The following NGF variants were observed in gnomAD, a reference collection of about 807,000 sequenced individuals.
The protein encoded by NGF is nerve growth factor, also known as beta-nerve growth factor.
A neutral mutation model predicts 12.8 loss-of-function variants in NGF; 4 were observed. The ratio of observed to expected loss-of-function variants is 0.31; its 90% confidence interval spans 0.15 to 0.72. The LOEUF (loss-of-function observed/expected upper bound fraction) is 0.72, where lower values mean the gene tolerates loss of function less well. NGF is among the 30% of genes least tolerant of loss of function. NGF has a pLI of 0.69. For missense variants in NGF, 283 were observed against 330.8 expected, an observed-to-expected ratio of 0.86 and a Z score of 1.12; for synonymous variants, 140 against 130.0, an observed-to-expected ratio of 1.08 and a Z score of -0.52.
At chr1:115,307,143 C>G (rs1329176869) in intron 1 of NGF, among the ~76,000 whole-genome samples, 1 of 152,146 alleles carries the variant, frequency 6.6e-6, no homozygotes, top group Non-Finnish European at 1.5e-5. Flanking sequence ...CCTATAGGCA[C>G]TGGAACAAAC....
chr1:115,296,220 G>A (rs1653864140), intron 1 of NGF, among the ~76,000 whole-genome samples: 2 of 152,100 alleles, frequency 1.3e-5, no homozygotes, highest in African/African-American at 4.8e-5. Flanking sequence ...AGTAGGGGAG[G>A]GGAGAGGAGT....
Position 115,286,099 on chromosome 1 carries a change from G to GCA in NGF, c.695_696dup (p.Leu233CysfsTer7). The GCA allele has an allele frequency of 6.2e-7, 1 of 1,613,260 alleles. No homozygotes were observed. Among genetic ancestry groups the GCA allele is most frequent in the Non-Finnish European group, 8.5e-7 (1 of 1,179,600 alleles). On this transcript the variant is annotated frameshift_variant, in exon 3 of 3. Coordinates refer to ENST00000369512, the MANE Select transcript of NGF (RefSeq NM_002506.3). LOFTEE classifies it high-confidence loss of function. ...GCTCTTCTCACAGCCTTCCTGCTGAGCACACACACACAGGCCGTATCTATC... is the reference window on the plus strand; with the variant it reads ...GCTCTTCTCACAGCCTTCCTGCTGAGCACACACACACACAGGCCGTATCTATC...
At chr1:115,332,468 C>A (rs1654948017) in intron 1 of NGF, among the ~76,000 whole-genome samples, 2 of 152,108 alleles carry the variant, frequency 1.3e-5, no homozygotes, top group Non-Finnish European at 1.5e-5. Context: ...GCTATATATG[C>A]ACAGATACAT....
chr1:115,323,854 C>T (rs1654695219), intron 1 of NGF, among the ~76,000 whole-genome samples: 1 of 152,174 alleles, frequency 6.6e-6, no homozygotes, highest in Non-Finnish European at 1.5e-5. Context: ...CCTGAGGTGG[C>T]CCTGAGGGCA....
At chr1:115,335,953 C>G (rs560916208) in intron 1 of NGF, among the ~76,000 whole-genome samples, 1 of 152,164 alleles carries the variant, frequency 6.6e-6, no homozygotes, top group Admixed American at 6.5e-5. Context: ...AAACTTCCCT[C>G]GGGCTCCAGC....
At chr1:115,286,942 G>T in intron 2 of NGF, 135 bp from the exon 3 acceptor site, 1 of 1,102,724 alleles carries the variant, frequency 9.1e-7, no homozygotes, top group Non-Finnish European at 1.4e-6. Flanking sequence ...CTTCTGAGAG[G>T]GAAAGGGTGT....
intron 1 of NGF, among the ~76,000 whole-genome samples, chr1:115,303,276 C>A (rs1654095352): frequency 6.6e-6 from 1 of 152,152 alleles, no homozygotes; most frequent in Non-Finnish European, 1.5e-5. Context: ...GACCTAAGTG[C>A]TCTCCCTCTC....
At chr1:115,333,495 C>T (rs1654980014) in intron 1 of NGF, among the ~76,000 whole-genome samples, 1 of 98,246 alleles carries the variant, frequency 1.0e-5, no homozygotes, top group Non-Finnish European at 1.8e-5. Flanking sequence ...ACTAATAGTA[C>T]TACTAAAAAA....
intron 1 of NGF, among the ~76,000 whole-genome samples, chr1:115,295,096 C>T (rs1464691248): frequency 6.6e-6 from 1 of 152,126 alleles, no homozygotes; most frequent in Non-Finnish European, 1.5e-5. Context: ...GCATGGATCC[C>T]CACCACATAT....
intron 1 of NGF, among the ~76,000 whole-genome samples, chr1:115,319,679 C>T (rs1279498455): frequency 6.6e-6 from 1 of 152,240 alleles, no homozygotes; most frequent in African/African-American, 2.4e-5. Flanking sequence ...CCTGGCATTT[C>T]TGGTGCCTAG....
At chr1:115,309,990 CA>C (rs948325041) in intron 1 of NGF, among the ~76,000 whole-genome samples, 29 of 152,154 alleles carry the variant, frequency 1.9e-4, no homozygotes, top group African/African-American at 7.0e-4. Context: ...TTTATAATTG[CA>C]AAGTCAGAAA....
chr1:115,310,908 G>C (rs1654319847), intron 1 of NGF, among the ~76,000 whole-genome samples: 1 of 152,064 alleles, frequency 6.6e-6, no homozygotes, highest in South Asian at 2.1e-4. Context: ...CGGAGTGGGA[G>C]GAGGAGGAGG....
chr1:115,313,952 T>C (rs1162105297), intron 1 of NGF, among the ~76,000 whole-genome samples: 1 of 152,108 alleles, frequency 6.6e-6, no homozygotes, highest in Non-Finnish European at 1.5e-5. Flanking sequence ...GCACCTGAAC[T>C]CCTTCCAAAA....
chr1:115,301,614 G>T (rs990186893), intron 1 of NGF, among the ~76,000 whole-genome samples: 2 of 152,196 alleles, frequency 1.3e-5, no homozygotes, highest in African/African-American at 4.8e-5. Flanking sequence ...TCCCAGTCGT[G>T]ATTGGAATGG....
chr1:115,327,173 G>T (rs553266494), intron 1 of NGF, among the ~76,000 whole-genome samples: 26 of 152,200 alleles, frequency 1.7e-4, no homozygotes, highest in African/African-American at 6.0e-4. Flanking sequence ...TTCTGTAATA[G>T]GTTCATAGTC....
chr1:115,290,186 T>TG (rs1214214738), intron 2 of NGF, among the ~76,000 whole-genome samples: 3 of 152,038 alleles, frequency 2.0e-5, no homozygotes, highest in South Asian at 2.1e-4. Context: ...ACAAAACTCC[T>TG]GGGGGCAGTT....
Position 115,286,214 on chromosome 1 carries a change from T to A in NGF, c.582A>T (p.Ser194=). 6.2e-7 allele frequency: 1 copy of A among 1,614,162 alleles called. No individual in the cohort carries two copies. The highest frequency in any genetic ancestry group is 2.2e-5 in the East Asian group (1 of 44,864). Reference sequence around the variant, plus strand: ...TGGTACAATATGAGTTCCAGTGCTTTGAGTCAATGCCCCGGCACCCGCTGT... The same window carrying A: ...TGGTACAATATGAGTTCCAGTGCTTAGAGTCAATGCCCCGGCACCCGCTGT... ...PVDSGCRGID[S]KHWNSYCTTT... The change falls in exon 3 of 3, where the codon TCA becomes TCT. Residue 194 remains serine (S), a synonymous_variant. Coordinates refer to ENST00000369512, the MANE Select transcript of NGF (RefSeq NM_002506.3).
Position 115,292,898 on chromosome 1 carries a change from C to A in NGF, c.-13+729G>T, listed in dbSNP as rs184728413. 9.9e-5 allele frequency among the ~76,000 whole-genome samples: 15 copies of A among 151,684 alleles called. No individual in the cohort carries two copies. The East Asian group carries it at 2.5e-3, about 26-fold the overall frequency. The stretch of plus-strand genomic sequence containing the variant: ...TTGAAATGCCCATGATAGAAATATG[C>A]AACCAGAAAACACTAGCAGGTACCA... On this transcript the variant is annotated intron_variant, in intron 2 of 2. Coordinates refer to ENST00000369512, the MANE Select transcript of NGF (RefSeq NM_002506.3).
At chr1:115,316,451 A>C (rs1330928082) in intron 1 of NGF, among the ~76,000 whole-genome samples, 1 of 152,212 alleles carries the variant, frequency 6.6e-6, no homozygotes, top group Non-Finnish European at 1.5e-5. Context: ...TCTTTAAAAG[A>C]AAAATGAAAA....
Sources: gnomAD v4.1 joint callset for allele counts (sites outside exome capture counted in the v4.1 genomes callset) on GRCh38, gnomAD v4.1.1 for gene constraint, MANE v1.5 for transcripts, NCBI Gene and HGNC (gene_info 2026-07-23, HGNC 2026-07-21) for gene names.